Variants in DNAH3 observed in about 807,000 individuals in gnomAD.
The protein encoded by DNAH3 is axonemal beta dynein heavy chain 3.
DNAH3 carries 332 observed loss-of-function variants against 432.5 expected under a neutral mutation model. That is an observed-to-expected ratio of 0.77 (90% CI 0.70 to 0.84). The LOEUF is 0.84. Ranked by LOEUF, DNAH3 falls within the 40% of genes least tolerant of loss-of-function variation. The pLI, the probability that DNAH3 is intolerant of heterozygous loss-of-function variation, is 0.00. For synonymous variants in DNAH3, 1,956 were observed against 1,900.2 expected, an observed-to-expected ratio of 1.03 and a Z score of -0.76; for missense variants, 4,861 against 5,114.0, an observed-to-expected ratio of 0.95 and a Z score of 1.51.
chr16:21,049,804 T>C (rs751460065), intron 30 of DNAH3, 106 bp downstream of exon 30: 198 of 1,325,500 alleles, frequency 1.5e-4, no homozygotes, highest in Non-Finnish European at 1.9e-4. Context: ...CTGGGGCCCA[T>C]GCTGCCTGTT....
rs148685904 is a variant in DNAH3, at chr16:21,094,315, T to G, written c.2665+3040A>C. ...AAGAAATGTTCAAGATCATTAGGCA[T>G]TGGGGAAATGCAAATTAAAATCATA... On this transcript the variant is annotated intron_variant, in intron 18 of 61. Transcript: ENST00000261383. Among the ~76,000 whole-genome samples the G allele has an allele frequency of 1.6e-3, 251 of 152,224 alleles. 1 individual carries two copies. The highest frequency in any genetic ancestry group is 5.8e-3 in the African/African-American group (242 of 41,538).
At position 21,069,460 on chromosome 16, in the gene DNAH3, T is replaced by C. The variant is rs1315451866; in HGVS notation, c.3336A>G (p.Lys1112=). Residue 1112 remains lysine (K), a synonymous_variant, in exon 23 of 62, where the codon AAA becomes AAG. Coordinates refer to ENST00000261383, the Ensembl canonical transcript of DNAH3. ...TCCAGTAACTATCAACAATGCCAAA[T>C]TTCCTCCCCTCTTCTGGCATCTGGG... 1.9e-6 allele frequency: 3 copies of C among 1,614,036 alleles called. No individual in the cohort carries two copies. The East Asian group carries it at 6.7e-5, about 36-fold the overall frequency.
At chr16:21,153,068 G>T (rs1291561763) in intron 1 of DNAH3, among the ~76,000 whole-genome samples, 1 of 152,226 alleles carries the variant, frequency 6.6e-6, no homozygotes, top group East Asian at 1.9e-4. Flanking sequence ...TCCTGAGTCT[G>T]ATGGGGACGT....
At chr16:21,120,508 G>A in intron 11 of DNAH3, 2 of 583,108 alleles carry the variant, frequency 3.4e-6, no homozygotes, top group Non-Finnish European at 6.1e-6. Flanking sequence ...TAGTCAACCT[G>A]CAGGACTATG....
At chr16:21,030,613 G>T (rs984742502) in intron 37 of DNAH3, among the ~76,000 whole-genome samples, 1 of 152,140 alleles carries the variant, frequency 6.6e-6, no homozygotes, top group Admixed American at 6.6e-5. Flanking sequence ...TAAGTATTAG[G>T]GTAGTTTGTT....
In DNAH3 at chr16:21,121,940, T is replaced by A; in HGVS notation, c.1584+5A>T. 2 of 1,605,528 alleles carry A rather than the reference T, an allele frequency of 1.2e-6. No homozygotes were observed. Among genetic ancestry groups the A allele is most frequent in the Non-Finnish European group, 1.7e-6 (2 of 1,176,072 alleles). The stretch of plus-strand genomic sequence containing the variant: ...TGCAAATGAATGATTAAGTGACTAC[T>A]ATACCTTGGGGATCCCATTAGAGTT... On this transcript the variant is annotated splice_donor_5th_base_variant and intron_variant, in intron 10 of 61. Coordinates refer to ENST00000261383, the Ensembl canonical transcript of DNAH3.
chr16:21,099,545 G>C (rs1199285469), intron 16 of DNAH3, among the ~76,000 whole-genome samples: 1 of 152,156 alleles, frequency 6.6e-6, no homozygotes, highest in African/African-American at 2.4e-5. Context: ...GAATAATATA[G>C]TGTGAAGTGG....
chr16:21,120,602 T>C (rs565772394), intron 11 of DNAH3: 8 of 691,940 alleles, frequency 1.2e-5, no homozygotes, highest in African/African-American at 8.8e-5. Flanking sequence ...TGTCACTAGA[T>C]GGGGAACTCA....
chr16:21,134,548 G>A, intron 6 of DNAH3, 94 bp from the exon 8 acceptor site: 4 of 1,212,136 alleles, frequency 3.3e-6, no homozygotes, highest in Non-Finnish European at 4.5e-6. Flanking sequence ...TATAGAGACG[G>A]GGTCTCACTA....
chr16:20,962,821 A>G (rs1351719490), intron 53 of DNAH3, among the ~76,000 whole-genome samples: 1 of 152,032 alleles, frequency 6.6e-6, no homozygotes, highest in Non-Finnish European at 1.5e-5. Flanking sequence ...CCATTTCCAG[A>G]TAATTTTTTA....
At chr16:21,097,260 G>T in intron 18 of DNAH3, 95 bp downstream of exon 18, 1 of 1,434,940 alleles carries the variant, frequency 7.0e-7, no homozygotes, top group Non-Finnish European at 9.7e-7. Flanking sequence ...TAAAAGTCCA[G>T]CCAGATTCTT....
chr16:20,965,976 T>C (rs1023202212), intron 52 of DNAH3, among the ~76,000 whole-genome samples: 2 of 141,448 alleles, frequency 1.4e-5, no homozygotes, highest in African/African-American at 5.3e-5. Flanking sequence ...GCCTCCCAAA[T>C]TGCTAAGATT....
chr16:21,064,745 A>C (rs555194876), intron 24 of DNAH3, among the ~76,000 whole-genome samples: 1 of 152,290 alleles, frequency 6.6e-6, no homozygotes, highest in South Asian at 2.1e-4. Context: ...TTTTTTTAGC[A>C]ATCTGTATTT....
At chr16:21,030,456 T>C (rs529686360) in intron 37 of DNAH3, among the ~76,000 whole-genome samples, 9 of 152,078 alleles carry the variant, frequency 5.9e-5, no homozygotes, top group Non-Finnish European at 1.3e-4. Context: ...CCACCAGGCA[T>C]TGAGTGAAGA....
intron 25 of DNAH3, among the ~76,000 whole-genome samples, chr16:21,062,078 A>G (rs895456121): frequency 6.6e-6 from 1 of 152,234 alleles, no homozygotes; most frequent in Non-Finnish European, 1.5e-5. Context: ...GTTAAGTTGC[A>G]TTATAGCTCT....
intron 18 of DNAH3, among the ~76,000 whole-genome samples, chr16:21,089,890 C>T (rs1000602117): frequency 6.6e-6 from 1 of 151,548 alleles, no homozygotes; most frequent in African/African-American, 2.4e-5. Flanking sequence ...CCTTGGAAAA[C>T]TAAAATTGAT....
At chr16:20,980,241 A>AT (rs370587363) in intron 49 of DNAH3, among the ~76,000 whole-genome samples, 14 of 97,824 alleles carry the variant, frequency 1.4e-4, no homozygotes, top group African/African-American at 3.2e-4. Flanking sequence ...TATATTATAT[A>AT]TATAATATAC....
intron 18 of DNAH3, among the ~76,000 whole-genome samples, chr16:21,091,661 C>T (rs2091539447): frequency 6.6e-6 from 1 of 151,810 alleles, no homozygotes; most frequent in Non-Finnish European, 1.5e-5. Flanking sequence ...ACCAAAAATA[C>T]AAAAATTAGC....
intron 51 of DNAH3, among the ~76,000 whole-genome samples, chr16:20,974,084 C>T (rs955552816): frequency 2.0e-5 from 3 of 152,020 alleles, no homozygotes; most frequent in Non-Finnish European, 2.9e-5. Flanking sequence ...TGCAGTGGTG[C>T]GACCTGGACC....
Sources: gnomAD v4.1 joint callset for allele counts (sites outside exome capture counted in the v4.1 genomes callset) on GRCh38, gnomAD v4.1.1 for gene constraint, MANE v1.5 for transcripts, NCBI Gene and HGNC (gene_info 2026-07-23, HGNC 2026-07-21) for gene names.